Variants in CDH4 observed in about 807,000 individuals in gnomAD.
CDH4 encodes cadherin 4, also known as cadherin-4.
CDH4 carries 33 observed loss-of-function variants against 86.0 expected under a neutral mutation model. The ratio of observed to expected loss-of-function variants is 0.38; its 90% confidence interval spans 0.29 to 0.51. CDH4 has a LOEUF of 0.51. CDH4 is among the 20% of genes least tolerant of loss of function. The pLI is 0.86. For synonymous variants in CDH4, 555 were observed against 549.4 expected (o/e 1.01, Z -0.14); for missense variants, 1,114 against 1,307.4 (o/e 0.85, Z 2.28).
At chr20:61,914,292 G>A (rs747495536) in intron 9 of CDH4, among the ~76,000 whole-genome samples, 13 of 152,298 alleles carry the variant, frequency 8.5e-5, no homozygotes, top group East Asian at 1.9e-4. Context: ...TCTGTGAAAC[G>A]TGGATCCACT....
At chr20:61,692,358 C>A (rs2087669317) in intron 2 of CDH4, among the ~76,000 whole-genome samples, 1 of 152,038 alleles carries the variant, frequency 6.6e-6, no homozygotes, top group Non-Finnish European at 1.5e-5. Context: ...CAACTTGAAT[C>A]AAGGAATTTA....
In CDH4 at chr20:61,903,422, G is replaced by A. The variant is rs553126710; in HGVS notation, c.1189-7000G>A. Among the ~76,000 whole-genome samples, 5 of 151,234 alleles carry A rather than the reference G, an allele frequency of 3.3e-5. No homozygotes were observed. In the South Asian group the frequency reaches 6.3e-4, roughly 19 times the overall value. On this transcript the variant is annotated intron_variant, in intron 8 of 15. Coordinates refer to ENST00000614565, the MANE Select transcript of CDH4 (RefSeq NM_001794.5). The stretch of plus-strand genomic sequence containing the variant: ...TAGCTGGGCATGATGGCGGGTGCTT[G>A]TAATCCCAGCTACTCACGAGGCTGA...
chr20:61,559,569 G>A (rs1212098346), intron 2 of CDH4, among the ~76,000 whole-genome samples: 1 of 141,666 alleles, frequency 7.1e-6, no homozygotes, highest in Non-Finnish European at 1.5e-5. Context: ...GTGTGGCCCA[G>A]GCTGGAGTGC....
chr20:61,741,537 G>A (rs965152843), intron 2 of CDH4, among the ~76,000 whole-genome samples: 3 of 151,906 alleles, frequency 2.0e-5, no homozygotes, highest in Non-Finnish European at 4.4e-5. Context: ...TGTTGCGCAG[G>A]CTGGAGTGCC....
intron 4 of CDH4, among the ~76,000 whole-genome samples, chr20:61,820,976 T>C (rs1267995227): frequency 6.6e-6 from 1 of 152,064 alleles, no homozygotes; most frequent in African/African-American, 2.4e-5. Flanking sequence ...CCAGGTACAG[T>C]GCTGGGCCTC....
chr20:61,934,521 G>A (rs994583359), intron 15 of CDH4, among the ~76,000 whole-genome samples: 10 of 152,242 alleles, frequency 6.6e-5, no homozygotes, highest in Non-Finnish European at 7.3e-5. Flanking sequence ...CAGCAGAGGC[G>A]CCAGTAGCAA....
At chr20:61,878,152 T>A (rs568435392) in intron 7 of CDH4, among the ~76,000 whole-genome samples, 1 of 152,142 alleles carries the variant, frequency 6.6e-6, no homozygotes, top group South Asian at 2.1e-4. Flanking sequence ...GCGTCCTCAT[T>A]TCCAGCCACG....
At chr20:61,506,005 C>T (rs1306430941) in intron 2 of CDH4, among the ~76,000 whole-genome samples, 1 of 152,220 alleles carries the variant, frequency 6.6e-6, no homozygotes, top group Non-Finnish European at 1.5e-5. Flanking sequence ...CTGAATTAGA[C>T]AAATGCAGTT....
At chr20:61,495,246 A>G (rs2085652090) in intron 2 of CDH4, among the ~76,000 whole-genome samples, 1 of 152,206 alleles carries the variant, frequency 6.6e-6, no homozygotes, top group Admixed American at 6.5e-5. Flanking sequence ...TAGACCTTCA[A>G]CCAGGAGAAA....
intron 2 of CDH4, among the ~76,000 whole-genome samples, chr20:61,328,749 G>T (rs1047521312): frequency 1.3e-5 from 2 of 152,132 alleles, no homozygotes; most frequent in African/African-American, 4.8e-5. Context: ...TTGTGCCACC[G>T]CACTCCAGCC....
chr20:61,861,919 C>T (rs1270158022), intron 6 of CDH4, among the ~76,000 whole-genome samples: 2 of 152,152 alleles, frequency 1.3e-5, no homozygotes, highest in African/African-American at 2.4e-5. Context: ...CGCACTGTCC[C>T]GTTGAGAAAC....
chr20:61,700,026 G>A (rs113752883), intron 2 of CDH4, among the ~76,000 whole-genome samples: 3 of 152,192 alleles, frequency 2.0e-5, no homozygotes, highest in Non-Finnish European at 2.9e-5. Context: ...GCAGGTATCC[G>A]TGCAGGCGTG....
intron 2 of CDH4, among the ~76,000 whole-genome samples, chr20:61,701,327 G>A (rs2145885576): frequency 6.6e-6 from 1 of 152,328 alleles, no homozygotes; most frequent in Non-Finnish European, 1.5e-5. Flanking sequence ...GAATTTCAAT[G>A]TATGAATTGC....
chr20:61,831,515 G>A (rs6061364), intron 4 of CDH4, among the ~76,000 whole-genome samples: 56,502 of 152,214 alleles, frequency 0.37, 10,881 homozygotes, highest in East Asian at 0.62. Flanking sequence ...CCCCGAATGC[G>A]CTACTCCCTG....
intron 2 of CDH4, among the ~76,000 whole-genome samples, chr20:61,727,016 C>A (rs573824580): frequency 1.3e-5 from 2 of 149,446 alleles, no homozygotes; most frequent in African/African-American, 4.9e-5. Context: ...AGAGCCATCA[C>A]CATTGGTGCT....
rs1240193103 is a variant in CDH4, at chr20:61,383,423, G to T, written c.169+128486G>T. On this transcript the variant is annotated intron_variant, in intron 2 of 15. Transcript: ENST00000614565. Reference sequence around the variant, plus strand: ...ATATATGAATATATATGATATATATGATATATATCATATATGAATATATAT... The same window carrying T: ...ATATATGAATATATATGATATATATTATATATATCATATATGAATATATAT... Among the ~76,000 whole-genome samples the T allele has an allele frequency of 1.9e-4, 12 of 63,562 alleles. 3 individuals carry two copies. The highest frequency in any genetic ancestry group is 3.8e-4 in the Non-Finnish European group (12 of 31,180). The allele number at this position is 63,562 out of a possible 152,430, so 41.7% of individuals were successfully genotyped here.
At position 61,565,231 on chromosome 20, in the gene CDH4, T is replaced by TAGTGGTCCTCTTGGTGATGGGGA; in HGVS notation, c.170-178332_170-178331insAGTGGTCCTCTTGGTGATGGGGA. On this transcript the variant is annotated intron_variant, in intron 2 of 15. Coordinates refer to ENST00000614565, the MANE Select transcript of CDH4 (RefSeq NM_001794.5). ...CGGTGCTCTCGGTGGTAGGTGGTGG[T>TAGTGGTCCTCTTGGTGATGGGGA]GGTGGTGGTGGCGGTGCTCTTGGTG... Among the ~76,000 whole-genome samples the TAGTGGTCCTCTTGGTGATGGGGA allele has an allele frequency of 4.8e-4, 22 of 45,782 alleles. 3 individuals carry two copies. The highest frequency in any genetic ancestry group is 2.5e-3 in the Admixed American group (11 of 4,486). 30.0% of individuals were successfully genotyped at this position (45,782 alleles called of 152,430 possible).
intron 2 of CDH4, among the ~76,000 whole-genome samples, chr20:61,367,220 C>G (rs1234464608): frequency 6.6e-6 from 1 of 151,470 alleles, no homozygotes; most frequent in Non-Finnish European, 1.5e-5. Flanking sequence ...CGGGGGCTCC[C>G]TGAGATCACA....
In CDH4 at chr20:61,684,587, G is replaced by T. The variant is rs1209668324; in HGVS notation, c.170-58976G>T. Among the ~76,000 whole-genome samples the T allele has an allele frequency of 2.0e-5, 3 of 152,190 alleles. No individual in the cohort carries two copies. The highest frequency in any genetic ancestry group is 6.5e-5 in the Admixed American group (1 of 15,288). On this transcript the variant is annotated intron_variant, in intron 2 of 15. Coordinates refer to ENST00000614565, the MANE Select transcript of CDH4 (RefSeq NM_001794.5). The surrounding 1 kb of genome is among the most constrained non-coding windows in gnomAD (Gnocchi z 4.5). ...GGGAATCCTGGGCTCCGTCCTGGGGGCTGAAAGGCTCCTGGGGGTTCAGTC... is the reference window on the plus strand; with the variant it reads ...GGGAATCCTGGGCTCCGTCCTGGGGTCTGAAAGGCTCCTGGGGGTTCAGTC...
Sources: gnomAD v4.1 joint callset for allele counts (sites outside exome capture counted in the v4.1 genomes callset) on GRCh38, gnomAD v4.1.1 for gene constraint, Gnocchi (gnomAD v3.1) non-coding constraint, MANE v1.5 for transcripts, NCBI Gene and HGNC (gene_info 2026-07-23, HGNC 2026-07-21) for gene names.